The following GRID2 variants were observed in gnomAD, a reference collection of about 807,000 sequenced individuals.
The protein encoded by GRID2 is glutamate receptor ionotropic, delta-2.
A neutral mutation model predicts 114.8 loss-of-function variants in GRID2; 33 were observed. That is an observed-to-expected ratio of 0.29 (90% confidence interval 0.22 to 0.38). The LOEUF (loss-of-function observed/expected upper bound fraction) is 0.38, where lower values mean the gene tolerates loss of function less well. GRID2 is among the 10% of genes least tolerant of loss of function. The pLI is 1.00. For missense variants in GRID2, 1,184 were observed against 1,257.7 expected (o/e 0.94, Z 0.89); for synonymous variants, 505 against 449.9 (o/e 1.12, Z -1.55).
chr4:92,677,391 G>A (rs1036864780), intron 2 of GRID2, among the ~76,000 whole-genome samples: 1 of 152,176 alleles, frequency 6.6e-6, no homozygotes, highest in East Asian at 1.9e-4. Context: ...GGAACCTTAT[G>A]AAAAGGATTC....
intron 13 of GRID2, among the ~76,000 whole-genome samples, chr4:93,598,330 T>C (rs72889155): frequency 0.039 from 5,936 of 152,206 alleles, 392 homozygotes; most frequent in African/African-American, 0.13. Flanking sequence ...CATAGTCCAC[T>C]GTCTCTTTCT....
At chr4:93,355,598 C>T (rs111587743) in intron 8 of GRID2, among the ~76,000 whole-genome samples, 6,892 of 152,132 alleles carry the variant, frequency 0.045, 187 homozygotes, top group Middle Eastern at 0.082. Context: ...GTTAAGCAAT[C>T]GATCTTGTGA....
At chr4:93,633,461 T>C (rs1477196491) in intron 14 of GRID2, among the ~76,000 whole-genome samples, 2 of 152,112 alleles carry the variant, frequency 1.3e-5, no homozygotes, top group Admixed American at 1.3e-4. Context: ...ACACGTGTGT[T>C]TGTACATCTC....
intron 13 of GRID2, among the ~76,000 whole-genome samples, chr4:93,552,785 C>T (rs558480084): frequency 1.5e-4 from 19 of 127,952 alleles, no homozygotes; most frequent in African/African-American, 4.7e-4. Flanking sequence ...CCTCCCCCAG[C>T]CCCCCACCCC....
chr4:92,946,043 C>T (rs1467577882), intron 2 of GRID2, among the ~76,000 whole-genome samples: 1 of 152,084 alleles, frequency 6.6e-6, no homozygotes, highest in Non-Finnish European at 1.5e-5. Flanking sequence ...GCTTATAGCT[C>T]TTAAAACTGC....
intron 13 of GRID2, among the ~76,000 whole-genome samples, chr4:93,571,951 C>T (rs369988750): frequency 4.4e-4 from 67 of 152,148 alleles, no homozygotes; most frequent in African/African-American, 1.4e-3. Context: ...CAGGCTTAAT[C>T]GCAGAAAAGG....
intron 2 of GRID2, among the ~76,000 whole-genome samples, chr4:92,914,305 A>G (rs1748620545): frequency 6.6e-6 from 1 of 152,144 alleles, no homozygotes; most frequent in Admixed American, 6.6e-5. Context: ...CCTTAGCTAT[A>G]TGCAGACTTT....
At chr4:92,833,183 C>T (rs1325894773) in intron 2 of GRID2, among the ~76,000 whole-genome samples, 3 of 152,096 alleles carry the variant, frequency 2.0e-5, no homozygotes, top group Non-Finnish European at 4.4e-5. Context: ...GTCAAGGGCA[C>T]GATGTAGACT....
intron 12 of GRID2, among the ~76,000 whole-genome samples, chr4:93,496,749 T>A (rs1387844147): frequency 6.6e-6 from 1 of 151,878 alleles, no homozygotes; most frequent in Non-Finnish European, 1.5e-5. Flanking sequence ...ATGGTATGGA[T>A]GTACCACAGT....
At chr4:92,827,233 C>T (rs1741770713) in intron 2 of GRID2, among the ~76,000 whole-genome samples, 1 of 151,412 alleles carries the variant, frequency 6.6e-6, no homozygotes. Flanking sequence ...TATATTTATC[C>T]AAAAAATATT....
At chr4:93,623,938 G>A (rs971477790) in intron 13 of GRID2, among the ~76,000 whole-genome samples, 1 of 152,076 alleles carries the variant, frequency 6.6e-6, no homozygotes, top group Non-Finnish European at 1.5e-5. Flanking sequence ...TTGTATTGGA[G>A]AATCTGAGGA....
At chr4:92,308,014 G>A (rs1301292236) in intron 1 of GRID2, among the ~76,000 whole-genome samples, 2 of 152,202 alleles carry the variant, frequency 1.3e-5, no homozygotes, top group Non-Finnish European at 2.9e-5. Flanking sequence ...CAATGATACT[G>A]TGTTTTATGA....
intron 2 of GRID2, among the ~76,000 whole-genome samples, chr4:92,788,865 G>T (rs752616883): frequency 1.3e-5 from 2 of 151,348 alleles, no homozygotes; most frequent in Non-Finnish European, 3.0e-5. Flanking sequence ...TAAACTTTTT[G>T]ACAATTATAT....
chr4:93,751,405 T>G (rs554699485), intron 14 of GRID2, among the ~76,000 whole-genome samples: 2 of 152,160 alleles, frequency 1.3e-5, no homozygotes, highest in African/African-American at 2.4e-5. Context: ...GTTTTTCTTC[T>G]TGGTGAGTGA....
In GRID2 at chr4:92,678,181, G is replaced by T. The variant is rs77699149; in HGVS notation, c.244+87895G>T. Among the ~76,000 whole-genome samples the T allele has an allele frequency of 9.1e-3, 1,387 of 151,718 alleles. 13 individuals are homozygous for T. Among genetic ancestry groups the T allele is most frequent in the Non-Finnish European group, 0.014 (941 of 67,860 alleles). On this transcript the variant is annotated intron_variant, in intron 2 of 15. Transcript: ENST00000282020. ...GTCTTCACTGAATATTTTTTATTGC[G>T]ATTTCCTCCCCCTGCGTATCTATCA...
intron 4 of GRID2, among the ~76,000 whole-genome samples, chr4:93,160,875 A>C (rs962582784): frequency 1.3e-5 from 2 of 151,854 alleles, no homozygotes; most frequent in Admixed American, 1.3e-4. Flanking sequence ...TCTGCATTTT[A>C]ACAAGATTTT....
intron 2 of GRID2, among the ~76,000 whole-genome samples, chr4:92,608,191 C>T (rs115314295): frequency 0.013 from 1,924 of 151,902 alleles, 34 homozygotes; most frequent in African/African-American, 0.044. Flanking sequence ...CTCTCAAGAT[C>T]TGTGTCCTAT....
At chr4:92,561,414 T>C (rs1389235021) in intron 1 of GRID2, among the ~76,000 whole-genome samples, 1 of 152,222 alleles carries the variant, frequency 6.6e-6, no homozygotes, top group Non-Finnish European at 1.5e-5. Context: ...TAAATCACTT[T>C]AAGCTTCTGT....
intron 2 of GRID2, among the ~76,000 whole-genome samples, chr4:92,964,127 A>G (rs913454698): frequency 2.6e-5 from 4 of 151,978 alleles, no homozygotes; most frequent in African/African-American, 9.7e-5. Context: ...GATTTAACAG[A>G]ATTCTTAAGA....
Sources: gnomAD v4.1 joint callset for allele counts (sites outside exome capture counted in the v4.1 genomes callset) on GRCh38, gnomAD v4.1.1 for gene constraint, MANE v1.5 for transcripts, NCBI Gene and HGNC (gene_info 2026-07-23, HGNC 2026-07-21) for gene names.